Variants in TMEM132D observed in about 807,000 individuals in gnomAD.
TMEM132D encodes transmembrane protein 132D, also known as mature OL transmembrane protein.
In TMEM132D, 21 loss-of-function variants were observed where a neutral mutation model predicts 62.3. That is an observed-to-expected ratio of 0.34 (90% CI 0.24 to 0.49). The LOEUF (loss-of-function observed/expected upper bound fraction) is 0.49. Ranked by LOEUF, TMEM132D falls within the 20% of genes least tolerant of loss-of-function variation. The pLI, the probability that TMEM132D is intolerant of heterozygous loss-of-function variation, is 0.99. For missense variants in TMEM132D, 1,346 were observed against 1,402.8 expected, an observed-to-expected ratio of 0.96 and a Z score of 0.65; for synonymous variants, 621 against 575.6, an observed-to-expected ratio of 1.08 and a Z score of -1.13.
intron 5 of TMEM132D, among the ~76,000 whole-genome samples, chr12:129,151,755 C>T (rs1300536376): frequency 6.6e-6 from 1 of 152,110 alleles, no homozygotes; most frequent in Admixed American, 6.5e-5. Context: ...TGCCCCCCGT[C>T]TTCTGTCTGC....
Position 129,530,176 on chromosome 12 carries a change from AT to A in TMEM132D, c.1115+882del, listed in dbSNP as rs1010404688. 1.1e-3 allele frequency among the ~76,000 whole-genome samples: 168 copies of A among 152,342 alleles called. 1 individual carries two copies. Among genetic ancestry groups the A allele is most frequent in the African/African-American group, 3.7e-3 (155 of 41,584 alleles). The stretch of plus-strand genomic sequence containing the variant: ...GCTCCTTGATCATAAGCCAAAAAAA[AT>A]CATAATAGTTATCAGCTGAGATTCC... On this transcript the variant is annotated intron_variant, in intron 3 of 8. Coordinates refer to ENST00000422113, the MANE Select transcript of TMEM132D (RefSeq NM_133448.3).
At chr12:129,543,890 C>T (rs1229110774) in intron 2 of TMEM132D, among the ~76,000 whole-genome samples, 1 of 152,106 alleles carries the variant, frequency 6.6e-6, no homozygotes, top group Non-Finnish European at 1.5e-5. Context: ...ACTGGTGCCC[C>T]CTCGATGGAC....
At chr12:129,143,903 T>C (rs4964872) in intron 5 of TMEM132D, among the ~76,000 whole-genome samples, 89,623 of 151,238 alleles carry the variant, frequency 0.59, 27,850 homozygotes, top group Non-Finnish European at 0.69. Context: ...GGTGAGCAGG[T>C]CTGCTAGAGG....
At chr12:129,307,905 A>T (rs1441256337) in intron 4 of TMEM132D, among the ~76,000 whole-genome samples, 1 of 152,128 alleles carries the variant, frequency 6.6e-6, no homozygotes, top group African/African-American at 2.4e-5. Context: ...GATATCCCCC[A>T]CATCCTAACT....
At chr12:129,381,576 G>A (rs879786895) in intron 3 of TMEM132D, among the ~76,000 whole-genome samples, 3 of 152,170 alleles carry the variant, frequency 2.0e-5, no homozygotes, top group South Asian at 2.1e-4. Context: ...ACCAGGTTGC[G>A]AGATTTTCCC....
At chr12:129,618,359 C>G (rs1878976880) in intron 2 of TMEM132D, among the ~76,000 whole-genome samples, 1 of 152,182 alleles carries the variant, frequency 6.6e-6, no homozygotes, top group South Asian at 2.1e-4. Flanking sequence ...ATCATACCAA[C>G]ATCAGAAAGC....
chr12:129,805,055 T>G (rs965370351), intron 1 of TMEM132D, among the ~76,000 whole-genome samples: 3 of 148,306 alleles, frequency 2.0e-5, no homozygotes, highest in Non-Finnish European at 4.5e-5. Context: ...TACAAACAAA[T>G]GGAAGAACAT....
chr12:129,189,805 T>G (rs1445108957), intron 5 of TMEM132D, among the ~76,000 whole-genome samples: 1 of 152,140 alleles, frequency 6.6e-6, no homozygotes, highest in Non-Finnish European at 1.5e-5. Flanking sequence ...AAGACGTCAG[T>G]GTCCTCATCC....
chr12:129,398,822 CTATT>C (rs1400505096), intron 3 of TMEM132D, among the ~76,000 whole-genome samples: 2 of 146,988 alleles, frequency 1.4e-5, no homozygotes, highest in Non-Finnish European at 3.0e-5. Flanking sequence ...CAATGCATAT[CTATT>C]TATGTATTCA....
chr12:129,846,269 C>T (rs2137348703), intron 1 of TMEM132D, among the ~76,000 whole-genome samples: 1 of 152,320 alleles, frequency 6.6e-6, no homozygotes, highest in South Asian at 2.1e-4. Context: ...CATTTGCATG[C>T]TTTCTTAGAG....
intron 3 of TMEM132D, among the ~76,000 whole-genome samples, chr12:129,394,193 C>T (rs147510345): frequency 5.8e-4 from 89 of 152,282 alleles, no homozygotes; most frequent in African/African-American, 2.1e-3. Flanking sequence ...AAAAACCTGA[C>T]CTCTGAGCGG....
chr12:129,863,765 T>C (rs951162024), intron 1 of TMEM132D, among the ~76,000 whole-genome samples: 2 of 152,074 alleles, frequency 1.3e-5, no homozygotes, highest in Admixed American at 6.5e-5. Flanking sequence ...AACATCTAGG[T>C]ATTGTTTGTT....
At chr12:129,481,247 G>A (rs183831856) in intron 3 of TMEM132D, among the ~76,000 whole-genome samples, 2 of 152,198 alleles carry the variant, frequency 1.3e-5, no homozygotes, top group African/African-American at 2.4e-5. Context: ...AACTATGGGA[G>A]GCCAAGGTGG....
intron 2 of TMEM132D, among the ~76,000 whole-genome samples, chr12:129,567,558 A>T (rs1334558227): frequency 1.3e-5 from 2 of 152,230 alleles, no homozygotes; most frequent in Non-Finnish European, 2.9e-5. Context: ...TTATTGCTAC[A>T]GAGTGGATGC....
chr12:129,758,264 CTA>C (rs1416549761), intron 1 of TMEM132D, among the ~76,000 whole-genome samples: 1 of 152,018 alleles, frequency 6.6e-6, no homozygotes, highest in Non-Finnish European at 1.5e-5. Context: ...AAACTTTTGC[CTA>C]TGTTATTCCC....
At position 129,839,254 on chromosome 12, in the gene TMEM132D, C is replaced by A. The variant is rs768183227; in HGVS notation, c.79+64007G>T. Among the ~76,000 whole-genome samples the A allele has an allele frequency of 3.3e-5, 5 of 150,800 alleles. No individual in the cohort carries two copies. In the East Asian group the frequency reaches 9.7e-4, roughly 29 times the overall value. Reference sequence around the variant, plus strand: ...AAGCAATTCTTCTGCCTCAGCCTCCCGAGCAGCTGGGATTACAGGTGTGTG... The same window carrying A: ...AAGCAATTCTTCTGCCTCAGCCTCCAGAGCAGCTGGGATTACAGGTGTGTG... On this transcript the variant is annotated intron_variant, in intron 1 of 8. Coordinates refer to ENST00000422113, the MANE Select transcript of TMEM132D (RefSeq NM_133448.3).
chr12:129,829,537 C>T (rs577318715), intron 1 of TMEM132D, among the ~76,000 whole-genome samples: 1 of 152,272 alleles, frequency 6.6e-6, no homozygotes, highest in South Asian at 2.1e-4. Context: ...CTCAGGGCCT[C>T]CTTGTCTACA....
At chr12:129,686,210 C>A (rs1037315377) in intron 2 of TMEM132D, among the ~76,000 whole-genome samples, 1 of 152,058 alleles carries the variant, frequency 6.6e-6, no homozygotes, top group African/African-American at 2.4e-5. Context: ...TATGGTTTGG[C>A]TGTGTCCCCA....
chr12:129,878,810 C>A (rs1874509493), intron 1 of TMEM132D, among the ~76,000 whole-genome samples: 1 of 152,128 alleles, frequency 6.6e-6, no homozygotes, highest in South Asian at 2.1e-4. Flanking sequence ...CTCAAGTGAT[C>A]CACCTGCCTT....
Sources: gnomAD v4.1 joint callset for allele counts (sites outside exome capture counted in the v4.1 genomes callset) on GRCh38, gnomAD v4.1.1 for gene constraint, MANE v1.5 for transcripts, NCBI Gene and HGNC (gene_info 2026-07-23, HGNC 2026-07-21) for gene names.